Variants in HDAC9 observed in about 807,000 individuals in gnomAD.
The protein encoded by HDAC9 is histone deacetylase 9.
Under a neutral mutation model 139.4 loss-of-function variants are expected in HDAC9, and 41 were observed. The observed-to-expected ratio is 0.29, with a 90% CI of 0.23 to 0.38. HDAC9 has a LOEUF of 0.38. HDAC9 is among the 10% of genes least tolerant of loss of function. The probability of loss-of-function intolerance (pLI) is 1.00; values close to 1 mark genes in which losing one functional copy is unlikely to be tolerated. For missense variants in HDAC9, 1,147 were observed against 1,297.0 expected, an observed-to-expected ratio of 0.88 and a Z score of 1.78; for synonymous variants, 517 against 476.2, an observed-to-expected ratio of 1.09 and a Z score of -1.12.
chr7:18,427,984 T>C (rs889444861), intron 1 of HDAC9, among the ~76,000 whole-genome samples: 1 of 152,218 alleles, frequency 6.6e-6, no homozygotes, highest in Non-Finnish European at 1.5e-5. Flanking sequence ...AATCATGCAG[T>C]ATGTGTCCTT....
intron 13 of HDAC9, among the ~76,000 whole-genome samples, chr7:18,740,243 G>T (rs190018630): frequency 6.6e-6 from 1 of 152,278 alleles, no homozygotes; most frequent in Non-Finnish European, 1.5e-5. Context: ...GTGATGCCCT[G>T]CCCTGCTTCA....
intron 1 of HDAC9, among the ~76,000 whole-genome samples, chr7:18,121,353 G>A (rs554088319): frequency 2.0e-5 from 3 of 151,960 alleles, no homozygotes; most frequent in Admixed American, 1.3e-4. Flanking sequence ...ACTTCCACAG[G>A]GTGTCGGGTT....
At chr7:18,530,243 A>G (rs561548011) in intron 2 of HDAC9, among the ~76,000 whole-genome samples, 1 of 152,316 alleles carries the variant, frequency 6.6e-6, no homozygotes, top group East Asian at 1.9e-4. Context: ...TGCCTGGGCA[A>G]CAGAGTGAGA....
At chr7:18,387,999 T>G (rs941695432) in intron 1 of HDAC9, among the ~76,000 whole-genome samples, 1 of 152,202 alleles carries the variant, frequency 6.6e-6, no homozygotes, top group African/African-American at 2.4e-5. Flanking sequence ...CCCAGTGATT[T>G]CTTGTACTTT....
intron 1 of HDAC9, among the ~76,000 whole-genome samples, chr7:18,090,694 AG>A (rs1349130344): frequency 6.6e-6 from 1 of 152,160 alleles, no homozygotes; most frequent in Non-Finnish European, 1.5e-5. Flanking sequence ...GGCAGCCAGT[AG>A]TGGTCAGAGA....
At chr7:18,550,767 TG>T (rs1347985494) in intron 2 of HDAC9, among the ~76,000 whole-genome samples, 4 of 151,986 alleles carry the variant, frequency 2.6e-5, no homozygotes, top group African/African-American at 9.7e-5. Context: ...GAGATCAGAG[TG>T]GCTGGAGTAG....
At chr7:18,262,535 C>T (rs762909645) in intron 2 of HDAC9, among the ~76,000 whole-genome samples, 6 of 152,074 alleles carry the variant, frequency 3.9e-5, no homozygotes, top group Non-Finnish European at 8.8e-5. Context: ...AATTCAAATC[C>T]ACATGAAGAA....
At chr7:18,255,010 G>A (rs1340665048) in intron 2 of HDAC9, among the ~76,000 whole-genome samples, 3 of 151,950 alleles carry the variant, frequency 2.0e-5, no homozygotes, top group Non-Finnish European at 4.4e-5. Context: ...TAAATTATAG[G>A]TATGATAAAA....
At chr7:18,805,634 A>G (rs770399789) in intron 17 of HDAC9, among the ~76,000 whole-genome samples, 12 of 152,202 alleles carry the variant, frequency 7.9e-5, no homozygotes. Flanking sequence ...CATGTGAAAG[A>G]GCTGATGAAG....
chr7:18,177,672 G>C (rs1789033700), intron 2 of HDAC9, among the ~76,000 whole-genome samples: 1 of 152,168 alleles, frequency 6.6e-6, no homozygotes, highest in Non-Finnish European at 1.5e-5. Flanking sequence ...ACTTACCTTA[G>C]TACTGGGGTT....
At chr7:18,847,701 G>T (rs1797003782) in intron 21 of HDAC9, among the ~76,000 whole-genome samples, 1 of 152,190 alleles carries the variant, frequency 6.6e-6, no homozygotes, top group African/African-American at 2.4e-5. Flanking sequence ...CCCCCTGAGG[G>T]GTCAGCTGTG....
At position 18,931,713 on chromosome 7, in the gene HDAC9, A is replaced by C. The variant is rs138651985; in HGVS notation, c.2804-4096A>C. 2.4e-4 allele frequency among the ~76,000 whole-genome samples: 37 copies of C among 152,300 alleles called. 1 individual carries two copies. The highest frequency in any genetic ancestry group is 8.4e-4 in the African/African-American group (35 of 41,578). On this transcript the variant is annotated intron_variant, in intron 22 of 25. Coordinates refer to ENST00000686413, the MANE Select transcript of HDAC9 (RefSeq NM_178425.4). ...AATAGAAGCAACCTAATTTAGTTTC[A>C]GGCTCTCATTATCTGATGATTTTAT...
intron 19 of HDAC9, among the ~76,000 whole-genome samples, chr7:18,833,413 T>A (rs1251838395): frequency 6.6e-6 from 1 of 152,256 alleles, no homozygotes; most frequent in African/African-American, 2.4e-5. Context: ...TGGATGCATT[T>A]ATGCTCAAAC....
At chr7:18,597,951 G>T (rs1490609871) in intron 6 of HDAC9, among the ~76,000 whole-genome samples, 1 of 152,114 alleles carries the variant, frequency 6.6e-6, no homozygotes, top group Non-Finnish European at 1.5e-5. Context: ...GAAGGTTTTG[G>T]AAGGCCAGTA....
intron 2 of HDAC9, among the ~76,000 whole-genome samples, chr7:18,547,266 C>T (rs1392413351): frequency 2.0e-5 from 3 of 152,020 alleles, no homozygotes; most frequent in Non-Finnish European, 2.9e-5. Flanking sequence ...GACGGAGTCT[C>T]GCTCTGTTGC....
chr7:18,091,736 C>T (rs1782163413), intron 1 of HDAC9, among the ~76,000 whole-genome samples: 1 of 152,180 alleles, frequency 6.6e-6, no homozygotes, highest in East Asian at 1.9e-4. Flanking sequence ...GCAATCCCAA[C>T]AGAAGATCAA....
intron 1 of HDAC9, among the ~76,000 whole-genome samples, chr7:18,342,876 T>A (rs1367457801): frequency 6.6e-6 from 1 of 151,844 alleles, no homozygotes; most frequent in Non-Finnish European, 1.5e-5. Flanking sequence ...GTGAAGTGGA[T>A]CTACTGAATG....
intron 1 of HDAC9, among the ~76,000 whole-genome samples, chr7:18,440,265 A>C (rs1791632403): frequency 6.6e-6 from 1 of 151,342 alleles, no homozygotes; most frequent in Non-Finnish European, 1.5e-5. Flanking sequence ...GCTCACCGCA[A>C]ACTCCGCCTC....
At position 18,431,905 on chromosome 7, in the gene HDAC9, A is replaced by G. The variant is rs74784195; in HGVS notation, c.-41-64357A>G. On this transcript the variant is annotated intron_variant, in intron 1 of 3. Coordinates refer to the HDAC9 transcript ENST00000413509. ...TAGAAAGAACACTGTGTTGAGTACT[A>G]TTTTCATTGCCTACATGAGAAAGTC... 9.9e-4 allele frequency among the ~76,000 whole-genome samples: 151 copies of G among 152,250 alleles called. 2 individuals carry two copies. In the East Asian group the frequency reaches 0.027, roughly 27 times the overall value.
Sources: allele counts gnomAD v4.1 joint callset (sites outside exome capture counted in the v4.1 genomes callset), GRCh38; gene constraint gnomAD v4.1.1; transcripts MANE v1.5; gene names NCBI Gene and HGNC (gene_info 2026-07-23, HGNC 2026-07-21).